ACTN3: variants seen among roughly 807,000 people sequenced by gnomAD.
ACTN3 encodes actinin alpha 3, also known as alpha-actinin-3.
Under a neutral mutation model 119.6 loss-of-function variants are expected in ACTN3, and 91 were observed. That is an observed-to-expected ratio of 0.76 (90% confidence interval 0.64 to 0.91). The LOEUF (loss-of-function observed/expected upper bound fraction) is 0.91. Among genes scored for constraint, ACTN3 ranks in the 40% least tolerant of loss-of-function variants. ACTN3 has a pLI of 0.00. For synonymous variants in ACTN3, 456 were observed against 478.8 expected, an observed-to-expected ratio of 0.95 and a Z score of 0.62; for missense variants, 1,221 against 1,215.1, an observed-to-expected ratio of 1.00 and a Z score of -0.07.
chr11:66,552,041 A>G (rs547171499), intron 3 of ACTN3, among the ~76,000 whole-genome samples: 1 of 149,286 alleles, frequency 6.7e-6, no homozygotes, highest in East Asian at 2.0e-4. Flanking sequence ...ACACCACTGC[A>G]CTCCAGCCTG....
At chr11:66,554,158 C>A in intron 4 of ACTN3, 27 bp downstream of exon 4, 1 of 1,604,160 alleles carries the variant, frequency 6.2e-7, no homozygotes, top group Non-Finnish European at 8.5e-7. Context: ...GAGGTTGGGG[C>A]CAGGTGCAGT....
intron 11 of ACTN3, 107 bp from the exon 12 acceptor site, chr11:66,559,129 C>A (rs1857672355): frequency 3.2e-6 from 4 of 1,232,646 alleles, no homozygotes; most frequent in African/African-American, 1.6e-5. Flanking sequence ...CGAGCTAGGC[C>A]GGTGCGATCG....
At chr11:66,561,729 C>A in intron 17 of ACTN3, 92 bp downstream of exon 17, 1 of 1,424,558 alleles carries the variant, frequency 7.0e-7, no homozygotes, top group Non-Finnish European at 9.4e-7. Flanking sequence ...TGTGTCCCAG[C>A]AGAGTCCCCA....
chr11:66,554,793 G>C (rs561766373), intron 5 of ACTN3, among the ~76,000 whole-genome samples, 170 bp downstream of exon 5: 1 of 152,278 alleles, frequency 6.6e-6, no homozygotes, highest in South Asian at 2.1e-4. Context: ...AGTAACTGTT[G>C]AGTGGAATGG....
In ACTN3 at chr11:66,558,046, G is replaced by A. The variant is rs369005221; in HGVS notation, c.1148G>A (p.Arg383Gln). Reference protein sequence around the residue: ...KLVSDIANAWRGLEQVEKGYE... With the variant: ...KLVSDIANAWQGLEQVEKGYE... ...CCACAGGACATCGCCAACGCCTGGCGGGGGCTGGAGCAGGTGGAAAAGGGC... is the reference window on the plus strand; with the variant it reads ...CCACAGGACATCGCCAACGCCTGGCAGGGGCTGGAGCAGGTGGAAAAGGGC... Residue 383 changes from arginine (R) to glutamine (Q), a missense_variant, in exon 11 of 21, where the codon CGG (arginine) becomes CAG (glutamine). Physicochemically the swap from Arg to Gln is conservative, Grantham distance 43. This residue lies in a region of ACTN3 where 934 missense variants were observed against 899.9 expected (regional missense o/e 1.04). Transcript: ENST00000513398. 1.5e-5 allele frequency: 25 copies of A among 1,613,674 alleles called. No homozygotes were observed. The highest frequency in any genetic ancestry group is 4.4e-5 in the South Asian group (4 of 91,074).
intron 9 of ACTN3, 56 bp downstream of exon 9, chr11:66,557,281 C>T: frequency 2.0e-6 from 3 of 1,504,238 alleles, no homozygotes; most frequent in Non-Finnish European, 9.0e-7. Flanking sequence ...GCTCTCCCAA[C>T]CCTGCTAACC....
rs1196030697 is a variant in ACTN3, at chr11:66,560,511, CCTTT to C, written c.1678-59_1678-56del. The stretch of plus-strand genomic sequence containing the variant: ...TGGGTGGCCTGGGGCACACTGCTGC[CCTTT>C]CTGTTGCCTGTGGTAAGTGGGGGAC... On this transcript the variant is annotated intron_variant, in intron 14 of 20. Coordinates refer to ENST00000513398, the MANE Select transcript of ACTN3 (RefSeq NM_001104.4). The C allele has an allele frequency of 2.2e-5, 34 of 1,552,300 alleles. No homozygotes were observed. The East Asian group carries it at 2.5e-4, about 12-fold the overall frequency.
chr11:66,561,987 C>T (rs748976063), intron 17 of ACTN3, 35 bp from the exon 18 acceptor site: 8 of 1,573,928 alleles, frequency 5.1e-6, no homozygotes, highest in Admixed American at 1.9e-5. Flanking sequence ...AGGCACTGGC[C>T]GCCCACTGAC....
upstream of ACTN3, chr11:66,546,578 A>G (rs1472759693): frequency 6.5e-7 from 1 of 1,535,570 alleles, no homozygotes; most frequent in Non-Finnish European, 8.7e-7. Flanking sequence ...TCCAGAGGGC[A>G]GCCTCTAGAG....
rs756399314 is a variant in ACTN3, at chr11:66,557,853, A to C, written c.1052A>C (p.Asn351Thr). 3 of 1,614,066 alleles carry C rather than the reference A, an allele frequency of 1.9e-6. No homozygotes were observed. ...RIQEKCQLEI[N>T]FNTLQTKLRL... ...CAGGAAAAGTGCCAGCTGGAGATCA[A>C]CTTCAACACACTGCAGACCAAGTTG... Residue 351 changes from asparagine to threonine, a missense_variant, in exon 10 of 21, where the codon AAC becomes ACC. By Grantham distance (65) the Asn-to-Thr change is moderately conservative. Transcript: ENST00000513398.
intron 12 of ACTN3, 99 bp from the exon 13 acceptor site, chr11:66,559,869 C>G (rs1278235584): frequency 8.2e-7 from 1 of 1,216,506 alleles, no homozygotes; most frequent in East Asian, 2.6e-5. Flanking sequence ...CTCCCGCACG[C>G]CTTCACCCCC....
intron 3 of ACTN3, among the ~76,000 whole-genome samples, chr11:66,553,751 T>C (rs1169625842): frequency 6.9e-6 from 1 of 145,764 alleles, no homozygotes; most frequent in African/African-American, 2.6e-5. Context: ...GCGCCTGTAG[T>C]CCCAGCTACT....
In ACTN3 at chr11:66,557,198, G is replaced by A. The variant is rs773667032; in HGVS notation, c.870G>A (p.Met290Ile). ...TGAACCAGGAAAACGAGAAGCTGAT[G>A]GAGGAGTATGAGAAGCTTGCCAGTG... ...LAVNQENEKL[M>I]EEYEKLASEL... The change falls in exon 9 of 21, where the codon ATG becomes ATA. Residue 290 changes from methionine (M) to isoleucine (I), a missense_variant. Physicochemically the swap from Met to Ile is conservative, Grantham distance 10. Around this residue, in one of 3 missense-constraint regions of ACTN3, gnomAD observed 934 missense variants for 899.9 expected, o/e 1.04. Transcript: ENST00000513398. 11 of 1,553,470 alleles carry A rather than the reference G, an allele frequency of 7.1e-6. No individual in the cohort carries two copies. The East Asian group carries it at 2.4e-4, about 34-fold the overall frequency.
At position 66,560,034 on chromosome 11, in the gene ACTN3, C is replaced by T. The variant is rs1857709006; in HGVS notation, c.1494C>T (p.Asp498=). Residue 498 remains aspartate (D), a synonymous_variant, in exon 13 of 21, where the codon GAC becomes GAT. Transcript: ENST00000513398. ...SRCQAICDQW[D]NLGTLTQKRR... is the part of the protein sequence containing the mutation. Reference sequence around the variant, plus strand: ...GCCAGGCCATCTGCGATCAGTGGGACAACCTGGGCACCCTGACCCAGAAGA... The same window carrying T: ...GCCAGGCCATCTGCGATCAGTGGGATAACCTGGGCACCCTGACCCAGAAGA... 2 of 1,603,472 alleles carry T rather than the reference C, an allele frequency of 1.2e-6. No individual in the cohort carries two copies. The highest frequency in any genetic ancestry group is 4.5e-5 in the East Asian group (2 of 44,566).
intron 12 of ACTN3, 44 bp from the exon 13 acceptor site, chr11:66,559,924 T>C: frequency 6.5e-7 from 1 of 1,543,178 alleles, no homozygotes; most frequent in Non-Finnish European, 8.8e-7. Context: ...TTAGGACATC[T>C]GGGCTGGGGC....
At chr11:66,562,528 T>C (rs1026783571) in intron 19 of ACTN3, among the ~76,000 whole-genome samples, 1 of 152,124 alleles carries the variant, frequency 6.6e-6, no homozygotes, top group African/African-American at 2.4e-5. Context: ...CATTTTTACC[T>C]GTAGGGAAAC....
chr11:66,553,840 C>A (rs1483167372), intron 3 of ACTN3, among the ~76,000 whole-genome samples: 37 of 131,026 alleles, frequency 2.8e-4, no homozygotes, highest in South Asian at 4.6e-4. Flanking sequence ...GGTGACAGAG[C>A]GAGACTCCAT....
chr11:66,554,223 AAGGATCGCCC>A, intron 4 of ACTN3, 92 bp downstream of exon 4: 1 of 1,066,096 alleles, frequency 9.4e-7, no homozygotes, highest in Non-Finnish European at 1.4e-6. Context: ...AGACCACTTG[AAGGATCGCCC>A]AGGAGTTCAA....
chr11:66,552,828 G>C (rs1484799986), intron 3 of ACTN3, among the ~76,000 whole-genome samples: 2 of 150,852 alleles, frequency 1.3e-5, no homozygotes, highest in Non-Finnish European at 2.9e-5. Flanking sequence ...TTGCACTCCA[G>C]CCTGGGTGAC....
Sources: gnomAD v4.1 joint callset for allele counts (sites outside exome capture counted in the v4.1 genomes callset) on GRCh38, gnomAD v4.1.1 for gene constraint, gnomAD v4.1.1 regional missense constraint, MANE v1.5 for transcripts, NCBI Gene and HGNC (gene_info 2026-07-23, HGNC 2026-07-21) for gene names.